The following BMPR1B variants were observed in gnomAD, a reference collection of about 807,000 sequenced individuals.
The protein encoded by BMPR1B is bone morphogenetic protein receptor type 1B.
A neutral mutation model predicts 59.1 loss-of-function variants in BMPR1B; 12 were observed. The observed-to-expected ratio is 0.20, with a 90% CI of 0.13 to 0.33. The LOEUF (loss-of-function observed/expected upper bound fraction) is 0.33, where lower values mean the gene tolerates loss of function less well. Among genes scored for constraint, BMPR1B ranks in the 10% least tolerant of loss-of-function variants. The pLI, the probability that BMPR1B is intolerant of heterozygous loss-of-function variation, is 1.00. For missense variants in BMPR1B, 550 were observed against 610.9 expected, an observed-to-expected ratio of 0.90 and a Z score of 1.05; for synonymous variants, 237 against 207.3, an observed-to-expected ratio of 1.14 and a Z score of -1.23.
chr4:94,933,219 G>A (rs1015075136), intron 2 of BMPR1B, among the ~76,000 whole-genome samples: 1 of 151,782 alleles, frequency 6.6e-6, no homozygotes, highest in African/African-American at 2.4e-5. Flanking sequence ...ATAATCTAGG[G>A]ATTTTATGTC....
At chr4:95,106,700 C>G (rs1731219948) in intron 4 of BMPR1B, among the ~76,000 whole-genome samples, 1 of 151,920 alleles carries the variant, frequency 6.6e-6, no homozygotes, top group African/African-American at 2.4e-5. Flanking sequence ...GGATATGGAT[C>G]TGGGGCTCAG....
intron 2 of BMPR1B, among the ~76,000 whole-genome samples, chr4:94,942,298 A>G (rs3796411): frequency 0.29 from 44,065 of 152,146 alleles, 6,427 homozygotes; most frequent in South Asian, 0.41. Context: ...AATACCTCTT[A>G]TGCTTTACCT....
chr4:94,823,674 T>C (rs1392853430), intron 1 of BMPR1B, among the ~76,000 whole-genome samples: 1 of 152,080 alleles, frequency 6.6e-6, no homozygotes, highest in Non-Finnish European at 1.5e-5. Context: ...GACTGAGATA[T>C]GGAATAGAGA....
chr4:95,084,236 T>A (rs1466982478), intron 3 of BMPR1B, among the ~76,000 whole-genome samples: 2 of 150,940 alleles, frequency 1.3e-5, no homozygotes, highest in Non-Finnish European at 3.0e-5. Context: ...GATTTATATA[T>A]AAAAAATTTT....
intron 3 of BMPR1B, among the ~76,000 whole-genome samples, chr4:95,090,660 G>C (rs1560645321): frequency 6.6e-6 from 1 of 151,938 alleles, no homozygotes; most frequent in African/African-American, 2.4e-5. Context: ...AGCCCAAAGT[G>C]CTTACAGCAC....
intron 1 of BMPR1B, among the ~76,000 whole-genome samples, chr4:94,846,957 T>C (rs1377285238): frequency 6.6e-6 from 1 of 152,070 alleles, no homozygotes; most frequent in Non-Finnish European, 1.5e-5. Flanking sequence ...AATGGCATTA[T>C]ATCAAGTTAC....
intron 1 of BMPR1B, among the ~76,000 whole-genome samples, chr4:94,858,472 T>C (rs1326716454): frequency 6.6e-6 from 1 of 152,214 alleles, no homozygotes; most frequent in African/African-American, 2.4e-5. Context: ...CATAATTTTT[T>C]TCTATTATAG....
rs531819753 is a variant in BMPR1B at position 94,841,335 on chromosome 4, G to A, written c.-182-34496G>A. 1.1e-3 allele frequency among the ~76,000 whole-genome samples: 160 copies of A among 148,836 alleles called. 8 individuals carry two copies. Among genetic ancestry groups the A allele is most frequent in the Non-Finnish European group, 2.1e-3 (138 of 66,546 alleles). On this transcript the variant is annotated intron_variant, in intron 1 of 12. Coordinates refer to ENST00000515059, the MANE Select transcript of BMPR1B (RefSeq NM_001203.3). The stretch of plus-strand genomic sequence containing the variant: ...GCTTTGTTTACCTAAGCAAGCCTGG[G>A]CAATGGCGGGCGCCCCTCCCCCAGC...
At chr4:95,075,782 C>T (rs1276961280) in intron 3 of BMPR1B, among the ~76,000 whole-genome samples, 2 of 152,068 alleles carry the variant, frequency 1.3e-5, no homozygotes, top group Non-Finnish European at 2.9e-5. Context: ...TCCAAGTAGG[C>T]ACTCAGATAC....
At chr4:95,115,869 A>G (rs1346613349) in intron 6 of BMPR1B, 82 bp downstream of exon 6, 10 of 1,252,876 alleles carry the variant, frequency 8.0e-6, no homozygotes, top group African/African-American at 1.5e-5. Context: ...TTCTCTCTCA[A>G]TCTACCTGTA....
intron 2 of BMPR1B, among the ~76,000 whole-genome samples, chr4:94,988,076 A>T (rs954067751): frequency 1.3e-5 from 2 of 152,180 alleles, no homozygotes; most frequent in African/African-American, 4.8e-5. Context: ...TACCTGTAAG[A>T]AATCTCTACT....
chr4:95,039,540 A>G (rs1237984240), intron 3 of BMPR1B, among the ~76,000 whole-genome samples: 1 of 152,060 alleles, frequency 6.6e-6, no homozygotes, highest in African/African-American at 2.4e-5. Context: ...GAGATTACGA[A>G]GAGCTGCTAT....
intron 1 of BMPR1B, among the ~76,000 whole-genome samples, chr4:94,869,188 T>G (rs2148965725): frequency 6.6e-6 from 1 of 152,240 alleles, no homozygotes; most frequent in African/African-American, 2.4e-5. Flanking sequence ...TCAGATAATT[T>G]CTGATTTTTG....
chr4:95,154,818 G>A lies in BMPR1B; in HGVS notation c.*145G>A, dbSNP rs1194939777. ...CAGTGGGTTCAGACCTCACCTCTCA[G>A]GGAGCGACCTGGGCAAAGACAGAGA... On this transcript the variant is annotated 3_prime_UTR_variant, in exon 13 of 13. Coordinates refer to ENST00000515059, the MANE Select transcript of BMPR1B (RefSeq NM_001203.3). 16 of 1,143,634 alleles carry A rather than the reference G, an allele frequency of 1.4e-5. No individual in the cohort carries two copies. The South Asian group carries it at 1.7e-4, about 12-fold the overall frequency. The allele number at this position is 1,143,634 out of a possible 1,614,324, so 70.8% of individuals were successfully genotyped here.
chr4:94,861,930 G>C (rs1487879912), intron 1 of BMPR1B, among the ~76,000 whole-genome samples: 1 of 152,050 alleles, frequency 6.6e-6, no homozygotes, highest in African/African-American at 2.4e-5. Context: ...CCAAGTCTGA[G>C]TTTTATTCAG....
chr4:94,874,942 G>A (rs1448021804), intron 1 of BMPR1B, among the ~76,000 whole-genome samples: 5 of 152,062 alleles, frequency 3.3e-5, no homozygotes, highest in African/African-American at 9.7e-5. Flanking sequence ...GCAGTGAGCC[G>A]AGATCGCGCC....
At chr4:95,024,771 C>G (rs62316236) in intron 3 of BMPR1B, among the ~76,000 whole-genome samples, 41,846 of 152,020 alleles carry the variant, frequency 0.28, 6,506 homozygotes, top group South Asian at 0.43. Context: ...TTGGTAGTTA[C>G]TTTTACTTAG....
At chr4:95,018,213 AT>A (rs1723721167) in intron 3 of BMPR1B, among the ~76,000 whole-genome samples, 1 of 152,190 alleles carries the variant, frequency 6.6e-6, no homozygotes. Context: ...GATAATTTGC[AT>A]TTTACAATAC....
intron 1 of BMPR1B, among the ~76,000 whole-genome samples, chr4:94,808,384 C>T (rs1458861507): frequency 6.6e-6 from 1 of 152,054 alleles, no homozygotes; most frequent in Non-Finnish European, 1.5e-5. Context: ...GATAATATAG[C>T]AACATTACAT....
Sources: allele counts gnomAD v4.1 joint callset (sites outside exome capture counted in the v4.1 genomes callset), GRCh38; gene constraint gnomAD v4.1.1; transcripts MANE v1.5; gene names NCBI Gene and HGNC (gene_info 2026-07-23, HGNC 2026-07-21).